The following MYO10 variants were observed in gnomAD, a reference collection of about 807,000 sequenced individuals.
MYO10 encodes the protein myosin X.
MYO10 carries 133 observed loss-of-function variants against 257.3 expected under a neutral mutation model. The ratio of observed to expected loss-of-function variants is 0.52; its 90% CI spans 0.45 to 0.60. The LOEUF (loss-of-function observed/expected upper bound fraction) is 0.60, where lower values mean the gene tolerates loss of function less well. Among genes scored for constraint, MYO10 ranks in the 20% least tolerant of loss-of-function variants. MYO10 has a pLI of 0.00. For missense variants in MYO10, 2,399 were observed against 2,635.7 expected, an observed-to-expected ratio of 0.91 and a Z score of 1.97; for synonymous variants, 1,104 against 1,028.6, an observed-to-expected ratio of 1.07 and a Z score of -1.40.
chr5:16,703,058 T>C lies in MYO10; in HGVS notation c.2377A>G (p.Ile793Val), dbSNP rs374311490. Reference protein sequence around the residue: ...RRFLHLKKAAIVFQKQLRGQI... With the variant: ...RRFLHLKKAAVVFQKQLRGQI... Reference sequence around the variant, plus strand: ...CCTCTGAGTTGCTTCTGGAAAACTATGGCTGCCTTTTTCAGGTGCAAAAAT... The same window carrying C: ...CCTCTGAGTTGCTTCTGGAAAACTACGGCTGCCTTTTTCAGGTGCAAAAAT... The change falls in exon 23 of 41, where the codon ATA (isoleucine) becomes GTA (valine). Residue 793 changes from isoleucine (I) to valine (V), a missense_variant. This residue lies in a region of MYO10 where 1,820 missense variants were observed against 1,939.4 expected (regional missense o/e 0.94). Coordinates refer to ENST00000513610, the MANE Select transcript of MYO10 (RefSeq NM_012334.3). The C allele has an allele frequency of 1.7e-5, 26 of 1,558,930 alleles. No individual in the cohort carries two copies. The African/African-American group carries it at 3.0e-4, about 18-fold the overall frequency.
chr5:16,743,145 T>C (rs1016016779), intron 19 of MYO10, among the ~76,000 whole-genome samples: 17 of 152,178 alleles, frequency 1.1e-4, no homozygotes, highest in Admixed American at 3.9e-4. Flanking sequence ...GGAAGGATTA[T>C]GGAATGTCAA....
chr5:16,756,758 C>T (rs912643094), intron 18 of MYO10, among the ~76,000 whole-genome samples: 1 of 152,122 alleles, frequency 6.6e-6, no homozygotes, highest in Non-Finnish European at 1.5e-5. Flanking sequence ...AGCTCACCCA[C>T]CCTTTTCCAT....
intron 1 of MYO10, among the ~76,000 whole-genome samples, chr5:16,888,239 T>C (rs1744946635): frequency 6.6e-6 from 1 of 152,134 alleles, no homozygotes; most frequent in Non-Finnish European, 1.5e-5. Context: ...AAAATAATTC[T>C]AGCTCTAGGC....
intron 36 of MYO10, 52 bp downstream of exon 36, chr5:16,673,630 G>T: frequency 6.4e-7 from 1 of 1,552,086 alleles, no homozygotes; most frequent in Non-Finnish European, 8.8e-7. Context: ...TGACGCAGGT[G>T]TATCTGCAGC....
At position 16,663,328 on chromosome 5, in the gene MYO10, GTTTTTTTTTTTTTTTTTTTTTTTTT is replaced by G. The variant is rs70940395; in HGVS notation, c.*3339_*3363del. The G allele has an allele frequency of 1.3e-4, 10 of 76,888 alleles. 1 individual carries two copies. The highest frequency in any genetic ancestry group is 1.1e-3 in the South Asian group (2 of 1,876). 4.8% of individuals were successfully genotyped at this position (76,888 alleles called of 1,614,324 possible). ...AAAAAGTAACATTTTACTTCTAGTTGTTTTTTTTTTTTTTTTTTTTTTTTTTTTTTTTTTTTTTTACAAATCACCT... is the reference window on the plus strand; with the variant it reads ...AAAAAGTAACATTTTACTTCTAGTTGTTTTTTTTTTTTTTACAAATCACCT... On this transcript the variant is annotated 3_prime_UTR_variant, in exon 41 of 41. Transcript: ENST00000513610.
At position 16,666,377 on chromosome 5, in the gene MYO10, G is replaced by T; in HGVS notation, c.*315C>A. ...AGTAGCACAGTTACGGTCGATTAGT[G>T]TTGGTTCCACAAGTTAAGGCACTTC... is the stretch of plus-strand genomic sequence containing the variant. On this transcript the variant is annotated 3_prime_UTR_variant, in exon 41 of 41. Transcript: ENST00000513610. 1 of 292,280 alleles carries T rather than the reference G, an allele frequency of 3.4e-6. No individual in the cohort carries two copies. The allele number at this position is 292,280 out of a possible 1,614,324, so 18.1% of individuals were successfully genotyped here. A position where few individuals can be genotyped will look rare whatever the true frequency, so the allele number is the denominator to read the frequency against.
chr5:16,917,080 C>T (rs1445354960), intron 1 of MYO10, among the ~76,000 whole-genome samples: 1 of 151,952 alleles, frequency 6.6e-6, no homozygotes, highest in Non-Finnish European at 1.5e-5. Flanking sequence ...AACTATTAAC[C>T]AATGCTGCAG....
At chr5:16,750,406 TA>T (rs568882123) in intron 19 of MYO10, among the ~76,000 whole-genome samples, 356 of 144,458 alleles carry the variant, frequency 2.5e-3, no homozygotes, top group Middle Eastern at 0.014. Context: ...AAACCCAAAT[TA>T]AAAAAAAAAA....
intron 39 of MYO10, 116 bp downstream of exon 39, chr5:16,670,410 G>T: frequency 1.1e-6 from 1 of 881,490 alleles, no homozygotes; most frequent in Non-Finnish European, 1.7e-6. Context: ...TCGAATAAAA[G>T]AGGTTGAGAG....
intron 26 of MYO10, among the ~76,000 whole-genome samples, chr5:16,697,651 C>G (rs42607): frequency 6.6e-6 from 1 of 150,930 alleles, no homozygotes; most frequent in Non-Finnish European, 1.5e-5. Context: ...TGAGCCACGA[C>G]TGTGCCATTG....
chr5:16,735,767 C>T (rs1214257226), intron 19 of MYO10, among the ~76,000 whole-genome samples: 1 of 152,048 alleles, frequency 6.6e-6, no homozygotes, highest in African/African-American at 2.4e-5. Flanking sequence ...AAAATCCTCC[C>T]TGTCTGTCTC....
Position 16,758,283 on chromosome 5 carries a change from A to C in MYO10, c.1740-57T>G, listed in dbSNP as rs186155951. ...GCACACACACCCATTATTAGGTGCA[A>C]GATTATTGTAATTAATGGTGCCCTT... On this transcript the variant is annotated intron_variant, in intron 17 of 40. Transcript: ENST00000513610. The C allele has an allele frequency of 4.8e-4, 574 of 1,190,848 alleles. 2 individuals carry two copies. In the African/African-American group the frequency reaches 7.8e-3, roughly 16 times the overall value. 73.8% of individuals were successfully genotyped at this position (1,190,848 alleles called of 1,614,324 possible). A position where few individuals can be genotyped will look rare whatever the true frequency, so the allele number is the denominator to read the frequency against.
At chr5:16,669,699 C>T (rs1404305850) in intron 39 of MYO10, among the ~76,000 whole-genome samples, 1 of 152,094 alleles carries the variant, frequency 6.6e-6, no homozygotes, top group Non-Finnish European at 1.5e-5. Flanking sequence ...AAAAGCCACC[C>T]ACGGATTCTA....
intron 2 of MYO10, among the ~76,000 whole-genome samples, chr5:16,870,363 C>T (rs960179055): frequency 9.9e-5 from 15 of 151,338 alleles, no homozygotes; most frequent in Non-Finnish European, 1.9e-4. Context: ...AGGCATTTTT[C>T]AGGAACGTCT....
intron 27 of MYO10, 99 bp from the exon 28 acceptor site, chr5:16,690,018 G>A: frequency 1.2e-6 from 1 of 867,440 alleles, no homozygotes; most frequent in South Asian, 1.4e-5. Flanking sequence ...GTTGGGAACT[G>A]TCTGTTACTG....
At chr5:16,673,962 A>T in intron 35 of MYO10, 73 bp from the exon 36 acceptor site, 1 of 1,397,488 alleles carries the variant, frequency 7.2e-7, no homozygotes, top group Non-Finnish European at 1.0e-6. Flanking sequence ...AGGCTGTGCC[A>T]AGGTTCTGTA....
intron 3 of MYO10, among the ~76,000 whole-genome samples, chr5:16,804,528 TAAAATA>T (rs1742213239): frequency 6.6e-6 from 1 of 152,192 alleles, no homozygotes. Flanking sequence ...AACAGGGATG[TAAAATA>T]ACACCGGCAA....
rs1471451763 is a variant in MYO10 at position 16,864,758 on chromosome 5, A to G, written c.120+12851T>C. Among the ~76,000 whole-genome samples, 7 of 152,198 alleles carry G rather than the reference A, an allele frequency of 4.6e-5. 1 individual carries two copies. The East Asian group carries it at 1.3e-3, about 29-fold the overall frequency. ...AATCCCAGAGTGAAAATTAATGGAAACATCTGACTTTCCATCTTTGAGCCA... is the reference window on the plus strand; with the variant it reads ...AATCCCAGAGTGAAAATTAATGGAAGCATCTGACTTTCCATCTTTGAGCCA... On this transcript the variant is annotated intron_variant, in intron 2 of 40. Coordinates refer to ENST00000513610, the MANE Select transcript of MYO10 (RefSeq NM_012334.3).
intron 1 of MYO10, among the ~76,000 whole-genome samples, chr5:16,880,178 C>CA (rs5866214): frequency 0.4 from 61,169 of 151,686 alleles, 13,662 homozygotes; most frequent in Admixed American, 0.51. Context: ...AACTCTATCT[C>CA]AAAAAATAAA....
Sources: allele counts gnomAD v4.1 joint callset (sites outside exome capture counted in the v4.1 genomes callset), GRCh38; gene constraint gnomAD v4.1.1; regional missense constraint gnomAD v4.1.1; transcripts MANE v1.5; gene names NCBI Gene and HGNC (gene_info 2026-07-23, HGNC 2026-07-21).